CALCRL: variants seen among roughly 807,000 people sequenced by gnomAD.
The protein encoded by CALCRL is calcitonin gene-related peptide type 1 receptor.
A neutral mutation model predicts 60.4 loss-of-function variants in CALCRL; 27 were observed. The observed-to-expected ratio is 0.45, with a 90% CI of 0.33 to 0.62. CALCRL has a LOEUF of 0.62. Among genes scored for constraint, CALCRL ranks in the 20% least tolerant of loss-of-function variants. The pLI is 0.03. For missense variants in CALCRL, 424 were observed against 540.7 expected, an observed-to-expected ratio of 0.78 and a Z score of 2.14; for synonymous variants, 190 against 182.6, an observed-to-expected ratio of 1.04 and a Z score of -0.33.
chr2:187,354,044 C>T (rs1574210808), intron 12 of CALCRL, among the ~76,000 whole-genome samples: 1 of 151,898 alleles, frequency 6.6e-6, no homozygotes, highest in East Asian at 1.9e-4. Flanking sequence ...AATTATAATC[C>T]CTTCATCTTA....
At chr2:187,353,721 T>C (rs1260106995) in intron 12 of CALCRL, among the ~76,000 whole-genome samples, 1 of 151,984 alleles carries the variant, frequency 6.6e-6, no homozygotes, top group African/African-American at 2.4e-5. Context: ...CATCCTAATA[T>C]ATTCCCTTCT....
At chr2:187,356,373 T>G (rs890582919) in intron 12 of CALCRL, among the ~76,000 whole-genome samples, 1 of 152,146 alleles carries the variant, frequency 6.6e-6, no homozygotes, top group African/African-American at 2.4e-5. Context: ...CCATCTGATC[T>G]TTCACAAACC....
chr2:187,394,696 A>C, intron 1 of CALCRL, among the ~76,000 whole-genome samples: 1 of 151,982 alleles, frequency 6.6e-6, no homozygotes, highest in East Asian at 1.9e-4. Context: ...TGGTTTACTC[A>C]ACTAGATAAT....
intron 1 of CALCRL, among the ~76,000 whole-genome samples, chr2:187,433,492 T>G (rs537296111): frequency 6.6e-6 from 1 of 152,176 alleles, no homozygotes; most frequent in East Asian, 1.9e-4. Flanking sequence ...TATTAAATTA[T>G]GTACTAAAAT....
intron 12 of CALCRL, among the ~76,000 whole-genome samples, chr2:187,357,308 G>T (rs1230289107): frequency 1.3e-5 from 2 of 151,928 alleles, no homozygotes; most frequent in Non-Finnish European, 2.9e-5. Flanking sequence ...TATACACCAT[G>T]GAATACTATG....
intron 1 of CALCRL, among the ~76,000 whole-genome samples, chr2:187,425,175 T>C (rs978964898): frequency 4.6e-5 from 7 of 152,028 alleles, no homozygotes; most frequent in African/African-American, 1.7e-4. Flanking sequence ...GTTTCAAAGG[T>C]CAATTCATTT....
chr2:187,400,385 A>T (rs1041759759), intron 1 of CALCRL, among the ~76,000 whole-genome samples: 1 of 151,524 alleles, frequency 6.6e-6, no homozygotes, highest in Non-Finnish European at 1.5e-5. Flanking sequence ...AGACAATAAC[A>T]AGTGTAAGAA....
At chr2:187,389,394 A>G (rs1416017838) in intron 1 of CALCRL, among the ~76,000 whole-genome samples, 1 of 152,004 alleles carries the variant, frequency 6.6e-6, no homozygotes. Context: ...TTTAATAATC[A>G]CTAGTATGTT....
At chr2:187,359,614 G>A (rs1686960370) in intron 10 of CALCRL, among the ~76,000 whole-genome samples, 1 of 152,096 alleles carries the variant, frequency 6.6e-6, no homozygotes, top group Middle Eastern at 3.2e-3. Context: ...CTGTGAGATG[G>A]AATTGGCCAA....
At position 187,343,139 on chromosome 2, in the gene CALCRL, G is replaced by T. The variant is rs370190746; in HGVS notation, c.*3045C>A. The T allele has an allele frequency of 2.0e-5, 3 of 151,274 alleles. No homozygotes were observed. The East Asian group carries it at 5.8e-4, about 29-fold the overall frequency. 9.4% of individuals were successfully genotyped at this position (151,274 alleles called of 1,614,324 possible). Reference sequence around the variant, plus strand: ...ATGACTTTTTCTTAATTGGTTTATTGAATTCATTTACTGGTTTACTGAAGA... The same window carrying T: ...ATGACTTTTTCTTAATTGGTTTATTTAATTCATTTACTGGTTTACTGAAGA... On this transcript the variant is annotated 3_prime_UTR_variant, in exon 15 of 15. Coordinates refer to ENST00000392370, the MANE Select transcript of CALCRL (RefSeq NM_005795.6).
intron 1 of CALCRL, among the ~76,000 whole-genome samples, chr2:187,401,980 A>G (rs932297700): frequency 1.3e-5 from 2 of 151,230 alleles, no homozygotes; most frequent in Non-Finnish European, 3.0e-5. Flanking sequence ...AGGAAGGAAG[A>G]AAGGAAGAAG....
At chr2:187,374,268 G>A (rs550229693) in intron 8 of CALCRL, among the ~76,000 whole-genome samples, 3 of 152,050 alleles carry the variant, frequency 2.0e-5, no homozygotes, top group South Asian at 2.1e-4. Context: ...ACTTGAAGAC[G>A]GTTTCTCATG....
intron 8 of CALCRL, among the ~76,000 whole-genome samples, chr2:187,376,247 T>A (rs1008463791): frequency 3.9e-5 from 6 of 152,280 alleles, no homozygotes; most frequent in African/African-American, 7.2e-5. Flanking sequence ...TTCGTTTTTT[T>A]AAATTTTTTT....
At chr2:187,362,741 CTGTT>C (rs1213015663) in intron 9 of CALCRL, among the ~76,000 whole-genome samples, 2 of 151,868 alleles carry the variant, frequency 1.3e-5, no homozygotes, top group African/African-American at 4.8e-5. Flanking sequence ...AAATTTTAAA[CTGTT>C]TGAAAAATAT....
intron 1 of CALCRL, among the ~76,000 whole-genome samples, chr2:187,389,189 C>A (rs1688330758): frequency 6.6e-6 from 1 of 151,712 alleles, no homozygotes. Flanking sequence ...TTGCCTGCCT[C>A]AGTCTCTCGA....
At chr2:187,438,603 C>A (rs923638092) in intron 1 of CALCRL, among the ~76,000 whole-genome samples, 4 of 151,544 alleles carry the variant, frequency 2.6e-5, no homozygotes, top group South Asian at 2.1e-4. Flanking sequence ...CAATAAGTAA[C>A]GGAATAAGGC....
At chr2:187,366,759 T>A (rs1042944205) in intron 8 of CALCRL, among the ~76,000 whole-genome samples, 6 of 152,078 alleles carry the variant, frequency 3.9e-5, no homozygotes, top group African/African-American at 1.4e-4. Flanking sequence ...CCTCTTTGTA[T>A]AAAGTTCAAT....
At chr2:187,403,114 G>A (rs1253301675) in intron 1 of CALCRL, among the ~76,000 whole-genome samples, 2 of 151,380 alleles carry the variant, frequency 1.3e-5, no homozygotes, top group East Asian at 1.9e-4. Context: ...AAAAATAAAT[G>A]TTTGTTGTTT....
chr2:187,377,268 G>A (rs1383764384), intron 8 of CALCRL, among the ~76,000 whole-genome samples: 1 of 152,082 alleles, frequency 6.6e-6, no homozygotes, highest in Non-Finnish European at 1.5e-5. Context: ...ACTGAGGCTA[G>A]ATAGAACAAG....
Sources: gnomAD v4.1 joint callset for allele counts (sites outside exome capture counted in the v4.1 genomes callset) on GRCh38, gnomAD v4.1.1 for gene constraint, MANE v1.5 for transcripts, NCBI Gene and HGNC (gene_info 2026-07-23, HGNC 2026-07-21) for gene names.